The following VPS53 variants were observed in gnomAD, a reference collection of about 807,000 sequenced individuals.
VPS53 encodes vacuolar protein sorting-associated protein 53 homolog.
VPS53 carries 70 observed loss-of-function variants against 107.0 expected under a neutral mutation model. The ratio of observed to expected loss-of-function variants is 0.65; its 90% CI spans 0.54 to 0.80. VPS53 has a LOEUF of 0.80. Among genes scored for constraint, VPS53 ranks in the 30% least tolerant of loss-of-function variants. VPS53 has a pLI of 0.00. For synonymous variants in VPS53, 409 were observed against 393.3 expected, an observed-to-expected ratio of 1.04 and a Z score of -0.47; for missense variants, 917 against 1,049.4, an observed-to-expected ratio of 0.87 and a Z score of 1.74.
chr17:546,870 CTTTTT>C (rs60940748), intron 17 of VPS53, among the ~76,000 whole-genome samples: 12 of 83,320 alleles, frequency 1.4e-4, no homozygotes, highest in African/African-American at 4.5e-4. Flanking sequence ...CCCTTAGATC[CTTTTT>C]TTTTTTTTTT....
rs578028732 is a variant in VPS53 at position 593,805 on chromosome 17, C to A, written c.1219-7441G>T. On this transcript the variant is annotated intron_variant, in intron 12 of 21. Transcript: ENST00000437048. ...ACCATTTGACCCAGCAATCCCATTA[C>A]TGGGTATATACCCAAAGGACTATAA... Among the ~76,000 whole-genome samples the A allele has an allele frequency of 2.7e-3, 408 of 152,308 alleles. 2 individuals are homozygous for A. Among genetic ancestry groups the A allele is most frequent in the African/African-American group, 9.2e-3 (384 of 41,554 alleles).
chr17:560,628 A>C lies in VPS53; in HGVS notation c.1557-55T>G, dbSNP rs1023166015. ...ATGGAATTTCTAATTTGCTTCCTGAACTGGAAACTACATTATTTTAAGATA... is the reference window on the plus strand; with the variant it reads ...ATGGAATTTCTAATTTGCTTCCTGACCTGGAAACTACATTATTTTAAGATA... On this transcript the variant is annotated intron_variant, in intron 14 of 21. Transcript: ENST00000437048. The C allele has an allele frequency of 1.0e-5, 16 of 1,581,120 alleles. No homozygotes were observed. In the African/African-American group the frequency reaches 2.0e-4, roughly 20 times the overall value.
intron 11 of VPS53, among the ~76,000 whole-genome samples, chr17:605,429 A>G (rs1968519758): frequency 6.6e-6 from 1 of 152,134 alleles, no homozygotes; most frequent in South Asian, 2.1e-4. Context: ...GAGACGCTGG[A>G]AAGCATATGG....
chr17:653,694 G>T (rs1039742808), intron 6 of VPS53, among the ~76,000 whole-genome samples: 1 of 152,214 alleles, frequency 6.6e-6, no homozygotes, highest in Admixed American at 6.5e-5. Context: ...TATGTGCTAC[G>T]GCAGGAAGAA....
At chr17:668,012 T>C (rs1237017343) in intron 4 of VPS53, among the ~76,000 whole-genome samples, 3 of 152,258 alleles carry the variant, frequency 2.0e-5, no homozygotes, top group East Asian at 1.9e-4. Context: ...CCCTGGTCCA[T>C]GGAAAAACTG....
At chr17:521,543 G>A (rs534904674) in intron 20 of VPS53, 58 bp downstream of exon 20, 6 of 1,469,494 alleles carry the variant, frequency 4.1e-6, no homozygotes, top group African/African-American at 1.4e-5. Context: ...TCAAAACCAA[G>A]GCTTCTCAGA....
chr17:555,270 G>C (rs966573298), intron 15 of VPS53, among the ~76,000 whole-genome samples: 15 of 152,156 alleles, frequency 9.9e-5, no homozygotes, highest in African/African-American at 3.4e-4. Flanking sequence ...TTCGCCCTCA[G>C]GACCTTCATA....
At chr17:711,929 G>GTCTCAGCC (rs1485759755) in intron 1 of VPS53, among the ~76,000 whole-genome samples, 1 of 150,898 alleles carries the variant, frequency 6.6e-6, no homozygotes, top group Non-Finnish European at 1.5e-5. Context: ...CCATTCTCCT[G>GTCTCAGCC]TCTCAGCCTC....
Position 562,614 on chromosome 17 carries a change from A to G in VPS53, c.1445T>C (p.Met482Thr). 6.2e-7 allele frequency: 1 copy of G among 1,614,020 alleles called. No homozygotes were observed. The change falls in exon 14 of 22, where the codon ATG becomes ACG. Residue 482 changes from methionine to threonine, a missense_variant. Physicochemically the swap from Met to Thr is moderately conservative, Grantham distance 81. Coordinates refer to ENST00000437048, the MANE Select transcript of VPS53 (RefSeq NM_001128159.3). ...ADLFVYYKKC[M>T]VQCSQLSTGE... ...AGTACTGAGCTGAGAGCATTGCACCATGCACTTCTTGTAGTAGACAAAGAG... is the reference window on the plus strand; with the variant it reads ...AGTACTGAGCTGAGAGCATTGCACCGTGCACTTCTTGTAGTAGACAAAGAG...
At chr17:599,699 T>C (rs1247566210) in intron 12 of VPS53, among the ~76,000 whole-genome samples, 1 of 150,042 alleles carries the variant, frequency 6.7e-6, no homozygotes, top group East Asian at 2.0e-4. Flanking sequence ...ACTATTGTCC[T>C]ATGACCCTGC....
chr17:598,052 G>A (rs1345688462), intron 12 of VPS53, among the ~76,000 whole-genome samples: 2 of 151,434 alleles, frequency 1.3e-5, no homozygotes, highest in East Asian at 3.9e-4. Context: ...CTGCCATCTC[G>A]GCTCACTGCA....
intron 19 of VPS53, 121 bp downstream of exon 19, chr17:532,721 T>G: frequency 6.7e-7 from 1 of 1,490,290 alleles, no homozygotes; most frequent in South Asian, 1.3e-5. Context: ...GTCATTATAC[T>G]GTCCCCAAAC....
chr17:698,129 A>G (rs984030615), intron 3 of VPS53, among the ~76,000 whole-genome samples: 3 of 152,224 alleles, frequency 2.0e-5, no homozygotes, highest in Non-Finnish European at 2.9e-5. Flanking sequence ...AGGGAAATAA[A>G]GCCATTAAAA....
chr17:598,024 C>T (rs954881149), intron 12 of VPS53, among the ~76,000 whole-genome samples: 265 of 150,230 alleles, frequency 1.8e-3, no homozygotes, highest in African/African-American at 6.2e-3. Context: ...CATGCTGAGC[C>T]GAAGCTGGAC....
chr17:528,874 CA>C (rs1468551572), intron 19 of VPS53, among the ~76,000 whole-genome samples: 1 of 152,150 alleles, frequency 6.6e-6, no homozygotes, highest in Admixed American at 6.5e-5. Context: ...GCTGGGATTA[CA>C]GGTGTGAACC....
In VPS53 at chr17:655,855, T is replaced by G. The variant is rs201130718; in HGVS notation, c.471A>C (p.Gly157=). 58 of 1,613,648 alleles carry G rather than the reference T, an allele frequency of 3.6e-5. No individual in the cohort carries two copies. Among genetic ancestry groups the G allele is most frequent in the South Asian group, 3.3e-5 (3 of 91,034 alleles). Residue 157 remains glycine, a synonymous_variant, in exon 6 of 22, where the codon GGA becomes GGC. Coordinates refer to ENST00000437048, the MANE Select transcript of VPS53 (RefSeq NM_001128159.3). ...TTLNHLHMLA[G]GVDSLEAMTR... is the part of the protein sequence containing the mutation. Reference sequence around the variant, plus strand: ...TTGCTTACTCGAGGGAGTCGACACCTCCTGCCAGCATGTGCAGGTGGTTCA... The same window carrying G: ...TTGCTTACTCGAGGGAGTCGACACCGCCTGCCAGCATGTGCAGGTGGTTCA...
At position 517,362 on chromosome 17, in the gene VPS53, A is replaced by T. The variant is rs1341974015; in HGVS notation, c.*1766T>A. The T allele has an allele frequency of 2.5e-6, 1 of 399,388 alleles. No individual in the cohort carries two copies. Among genetic ancestry groups the T allele is most frequent in the Non-Finnish European group, 4.4e-6 (1 of 226,332 alleles). The allele number at this position is 399,388 out of a possible 1,614,324, so 24.7% of individuals were successfully genotyped here. On this transcript the variant is annotated 3_prime_UTR_variant, in exon 22 of 22. Transcript: ENST00000437048. ...ACACTCAGGATCAGAGCTGGACGGC[A>T]TCGGGGAGAAAGCCTGGCAGAGAGG...
chr17:581,960 G>A (rs1339940619), intron 13 of VPS53, among the ~76,000 whole-genome samples: 1 of 148,344 alleles, frequency 6.7e-6, no homozygotes, highest in Non-Finnish European at 1.5e-5. Context: ...CCCTCCCTCA[G>A]AACCTAATGT....
intron 13 of VPS53, among the ~76,000 whole-genome samples, chr17:571,753 C>G (rs966030836): frequency 2.6e-5 from 4 of 152,254 alleles, no homozygotes; most frequent in African/African-American, 7.2e-5. Context: ...CTGTGTTGGC[C>G]GGGCTGGTCT....
Sources: gnomAD v4.1 joint callset for allele counts (sites outside exome capture counted in the v4.1 genomes callset) on GRCh38, gnomAD v4.1.1 for gene constraint, MANE v1.5 for transcripts, NCBI Gene and HGNC (gene_info 2026-07-23, HGNC 2026-07-21) for gene names.